Variants in ZRANB3 observed in about 807,000 individuals in gnomAD.
ZRANB3 encodes the protein zinc finger RANBP2-type containing 3.
In ZRANB3, 125 loss-of-function variants were observed where a neutral mutation model predicts 133.8. The ratio of observed to expected loss-of-function variants is 0.93; its 90% CI spans 0.81 to 1.08. The LOEUF (loss-of-function observed/expected upper bound fraction) is 1.08, where lower values mean the gene tolerates loss of function less well. ZRANB3 is among the 50% of genes least tolerant of loss of function. The pLI, the probability that ZRANB3 is intolerant of heterozygous loss-of-function variation, is 0.00. For synonymous variants in ZRANB3, 387 were observed against 432.7 expected (o/e 0.89, Z 1.31); for missense variants, 1,229 against 1,275.5 (o/e 0.96, Z 0.56).
intron 2 of ZRANB3, among the ~76,000 whole-genome samples, chr2:135,426,288 C>T (rs947795739): frequency 1.3e-5 from 2 of 152,036 alleles, no homozygotes; most frequent in African/African-American, 4.8e-5. Context: ...CCTACTAAAA[C>T]TATACCAAAA....
intron 6 of ZRANB3, among the ~76,000 whole-genome samples, chr2:135,336,038 A>C (rs1684357026): frequency 6.6e-6 from 1 of 152,220 alleles, no homozygotes; most frequent in Non-Finnish European, 1.5e-5. Context: ...CTAATGGTTG[A>C]CAACTGAGTA....
intron 14 of ZRANB3, among the ~76,000 whole-genome samples, chr2:135,226,705 T>C (rs1045915204): frequency 2.0e-5 from 3 of 152,242 alleles, no homozygotes; most frequent in Admixed American, 6.5e-5. Flanking sequence ...GCCCAGGTGA[T>C]GACAATTGCC....
chr2:135,458,091 T>G (rs1263909886), intron 2 of ZRANB3, among the ~76,000 whole-genome samples: 2 of 152,130 alleles, frequency 1.3e-5, no homozygotes, highest in Non-Finnish European at 2.9e-5. Context: ...AAGTAGGGGT[T>G]TATACTTCGT....
intron 12 of ZRANB3, among the ~76,000 whole-genome samples, chr2:135,235,590 T>C (rs1264795403): frequency 4.0e-5 from 6 of 151,594 alleles, no homozygotes; most frequent in Non-Finnish European, 7.4e-5. Flanking sequence ...TTATCCACCA[T>C]GATCAAGTGG....
intron 11 of ZRANB3, among the ~76,000 whole-genome samples, chr2:135,266,286 A>G (rs897019941): frequency 5.3e-5 from 8 of 152,226 alleles, no homozygotes; most frequent in African/African-American, 1.9e-4. Context: ...AGATGCCAAC[A>G]TGACAGATAG....
intron 2 of ZRANB3, among the ~76,000 whole-genome samples, chr2:135,403,711 C>G (rs1367112087): frequency 6.6e-5 from 10 of 152,146 alleles, no homozygotes; most frequent in African/African-American, 2.2e-4. Flanking sequence ...CGAGTAGGGG[C>G]AGACTGACAC....
intron 2 of ZRANB3, among the ~76,000 whole-genome samples, chr2:135,459,543 T>C (rs1317223747): frequency 2.0e-5 from 3 of 152,214 alleles, no homozygotes; most frequent in Non-Finnish European, 4.4e-5. Flanking sequence ...TTTGCTCCAA[T>C]GAGGAATTTT....
chr2:135,289,924 C>T (rs1429446347), intron 8 of ZRANB3, among the ~76,000 whole-genome samples: 1 of 152,082 alleles, frequency 6.6e-6, no homozygotes, highest in African/African-American at 2.4e-5. Flanking sequence ...CAAAAACATT[C>T]GATTTTCTGA....
chr2:135,225,387 T>C (rs963702305), intron 14 of ZRANB3, among the ~76,000 whole-genome samples: 5 of 152,214 alleles, frequency 3.3e-5, no homozygotes, highest in African/African-American at 1.2e-4. Context: ...CATCATACTA[T>C]TATTTTTCTA....
At chr2:135,512,269 T>C (rs1012399079) in intron 1 of ZRANB3, among the ~76,000 whole-genome samples, 14 of 152,170 alleles carry the variant, frequency 9.2e-5, no homozygotes. Context: ...TTGTACTCAA[T>C]TGAGAACAAG....
intron 9 of ZRANB3, among the ~76,000 whole-genome samples, chr2:135,272,163 T>A (rs1477698095): frequency 6.6e-6 from 1 of 152,214 alleles, no homozygotes; most frequent in Non-Finnish European, 1.5e-5. Flanking sequence ...GCCTTGTATA[T>A]AGCAGAAGCT....
intron 12 of ZRANB3, among the ~76,000 whole-genome samples, chr2:135,254,483 C>T (rs1679553113): frequency 6.6e-6 from 1 of 151,930 alleles, no homozygotes; most frequent in African/African-American, 2.4e-5. Flanking sequence ...TGTCGTGGCT[C>T]ACGCCTATAA....
intron 6 of ZRANB3, among the ~76,000 whole-genome samples, chr2:135,338,179 A>G (rs1350355891): frequency 6.6e-6 from 1 of 151,658 alleles, no homozygotes; most frequent in Non-Finnish European, 1.5e-5. Flanking sequence ...TCTAGCATAC[A>G]AAAAAAACCC....
chr2:135,390,824 G>C lies in ZRANB3; in HGVS notation c.162-4C>G. On this transcript the variant is annotated splice_region_variant and splice_polypyrimidine_tract_variant and intron_variant, in intron 2 of 20. Coordinates refer to ENST00000264159, the MANE Select transcript of ZRANB3 (RefSeq NM_032143.4). ...TACTTCATCAGCCACCATACACCTGGAAAAAAAAAAAAAAAAAAATTAATT... is the reference window on the plus strand; with the variant it reads ...TACTTCATCAGCCACCATACACCTGCAAAAAAAAAAAAAAAAAAATTAATT... The C allele has an allele frequency of 1.5e-6, 2 of 1,299,012 alleles. No homozygotes were observed. The highest frequency in any genetic ancestry group is 2.0e-6 in the Non-Finnish European group (2 of 987,044). 80.5% of individuals were successfully genotyped at this position (1,299,012 alleles called of 1,614,324 possible).
chr2:135,530,341 T>G (rs1482269270), intron 1 of ZRANB3, among the ~76,000 whole-genome samples: 1 of 152,034 alleles, frequency 6.6e-6, no homozygotes, highest in Non-Finnish European at 1.5e-5. Context: ...TGCAATCTAA[T>G]AGCGAGCAGG....
intron 2 of ZRANB3, among the ~76,000 whole-genome samples, chr2:135,492,599 C>A (rs1692440105): frequency 1.3e-5 from 2 of 152,216 alleles, no homozygotes; most frequent in South Asian, 2.1e-4. Flanking sequence ...AAAACATTAT[C>A]TTTTAAAATG....
At chr2:135,281,496 C>T (rs1401766770) in intron 8 of ZRANB3, among the ~76,000 whole-genome samples, 1 of 152,052 alleles carries the variant, frequency 6.6e-6, no homozygotes, top group Admixed American at 6.6e-5. Flanking sequence ...AAAAAAACAT[C>T]CTCCCTGACA....
chr2:135,500,756 T>TAAAAAAAAAAAAAAAAAAAAAAAAA (rs760594100), intron 2 of ZRANB3, among the ~76,000 whole-genome samples: 1 of 73,674 alleles, frequency 1.4e-5, no homozygotes. Flanking sequence ...TACATATCAG[T>TAAAAAAAAAAAAAAAAAAAAAAAAA]AAAAAAAAAA....
chr2:135,514,900 T>C (rs899103088), intron 1 of ZRANB3, among the ~76,000 whole-genome samples: 1 of 152,044 alleles, frequency 6.6e-6, no homozygotes, highest in African/African-American at 2.4e-5. Context: ...GAGATAATCA[T>C]GTGTTGTTAT....
Sources: gnomAD v4.1 joint callset for allele counts (sites outside exome capture counted in the v4.1 genomes callset) on GRCh38, gnomAD v4.1.1 for gene constraint, MANE v1.5 for transcripts, NCBI Gene and HGNC (gene_info 2026-07-23, HGNC 2026-07-21) for gene names.